POLN: variants seen among roughly 807,000 people sequenced by gnomAD.
POLN encodes the protein DNA polymerase N.
POLN carries 108 observed loss-of-function variants against 113.5 expected under a neutral mutation model. That is an observed-to-expected ratio of 0.95 (90% CI 0.81 to 1.12). The LOEUF (loss-of-function observed/expected upper bound fraction) is 1.12, where lower values mean the gene tolerates loss of function less well. Among genes scored for constraint, POLN ranks in the 50% most tolerant of loss-of-function variants. POLN has a pLI of 0.00. For synonymous variants in POLN, 386 were observed against 391.5 expected (o/e 0.99, Z 0.17); for missense variants, 1,097 against 1,077.1 (o/e 1.02, Z -0.26).
chr4:2,138,700 G>A (rs1326701588), intron 16 of POLN, among the ~76,000 whole-genome samples: 1 of 152,118 alleles, frequency 6.6e-6, no homozygotes, highest in African/African-American at 2.4e-5. Context: ...TCAGCAGTTC[G>A]AGACCAGCCT....
intron 4 of POLN, among the ~76,000 whole-genome samples, chr4:2,211,975 T>C (rs929622242): frequency 6.6e-6 from 1 of 152,124 alleles, no homozygotes; most frequent in Non-Finnish European, 1.5e-5. Flanking sequence ...CCCTTCTCTG[T>C]GGAAGATGCC....
At chr4:2,137,237 T>C (rs1731879621) in intron 16 of POLN, among the ~76,000 whole-genome samples, 1 of 152,254 alleles carries the variant, frequency 6.6e-6, no homozygotes, top group Non-Finnish European at 1.5e-5. Flanking sequence ...ATAAGTTAAG[T>C]AACTTGCTAG....
Position 2,072,259 on chromosome 4 carries a change from C to T in POLN, c.2558G>A (p.Gly853Glu). The part of the protein sequence containing the change: ...KVSLSAGRSW[G>E]HLVPLQEAWG... The stretch of plus-strand genomic sequence containing the variant: ...GGCCTCCTGCAGTGGCACCAGGTGT[C>T]CCCATGAGCGGCCGGCACTCAGGCT... The change falls in exon 26 of 26, where the codon GGA becomes GAA. Residue 853 changes from glycine (G) to glutamate (E), a missense_variant. Physicochemically the swap from Gly to Glu is moderately conservative, Grantham distance 98 (BLOSUM62 -2). Transcript: ENST00000511885. 6.3e-7 allele frequency: 1 copy of T among 1,594,448 alleles called. No homozygotes were observed. The highest frequency in any genetic ancestry group is 1.1e-5 in the South Asian group (1 of 90,284).
At chr4:2,152,172 T>C (rs562890812) in intron 16 of POLN, among the ~76,000 whole-genome samples, 1 of 151,464 alleles carries the variant, frequency 6.6e-6, no homozygotes, top group Non-Finnish European at 1.5e-5. Flanking sequence ...GCTGGGACCA[T>C]AGGCGTGCAC....
chr4:2,096,376 G>C (rs1421960074), intron 19 of POLN, among the ~76,000 whole-genome samples: 1 of 152,170 alleles, frequency 6.6e-6, no homozygotes, highest in Admixed American at 6.5e-5. Context: ...CACAGACAGA[G>C]GCCATGGGGG....
intron 3 of POLN, among the ~76,000 whole-genome samples, chr4:2,219,136 CAT>C (rs1235394438): frequency 3.3e-5 from 5 of 152,182 alleles, no homozygotes; most frequent in Non-Finnish European, 7.3e-5. Flanking sequence ...TTCCAAATAA[CAT>C]GTGGGGACTT....
intron 20 of POLN, chr4:2,088,662 T>C: frequency 3.9e-6 from 3 of 763,528 alleles, no homozygotes; most frequent in Non-Finnish European, 5.6e-6. Context: ...TCTAAGACTT[T>C]AATTAAAAAT....
At chr4:2,134,972 C>T (rs1322256401) in intron 16 of POLN, among the ~76,000 whole-genome samples, 1 of 152,184 alleles carries the variant, frequency 6.6e-6, no homozygotes, top group African/African-American at 2.4e-5. Flanking sequence ...GTGCCTTGTG[C>T]ACGCATCCCC....
intron 2 of POLN, chr4:2,231,836 T>G (rs1338432647): frequency 3.1e-6 from 2 of 639,922 alleles, no homozygotes; most frequent in Admixed American, 3.5e-5. Flanking sequence ...TCCATTGACC[T>G]CAAATTTTAA....
chr4:2,073,992 CT>C (rs1458039210), intron 24 of POLN, among the ~76,000 whole-genome samples: 1 of 152,240 alleles, frequency 6.6e-6, no homozygotes, highest in Non-Finnish European at 1.5e-5. Context: ...CTGGGCCCCC[CT>C]GGGGACCTTC....
chr4:2,160,173 C>T (rs765638103), intron 13 of POLN, among the ~76,000 whole-genome samples: 1 of 152,202 alleles, frequency 6.6e-6, no homozygotes, highest in Non-Finnish European at 1.5e-5. Context: ...TGATCTCTCA[C>T]TGTAGTTTTA....
intron 16 of POLN, among the ~76,000 whole-genome samples, chr4:2,153,391 T>A (rs1185751718): frequency 1.8e-4 from 27 of 152,146 alleles, no homozygotes; most frequent in Non-Finnish European, 2.6e-4. Context: ...GAGAAGTGTC[T>A]ACAATAAAAA....
At chr4:2,201,794 T>C (rs1733723117) in intron 5 of POLN, among the ~76,000 whole-genome samples, 1 of 152,192 alleles carries the variant, frequency 6.6e-6, no homozygotes, top group Non-Finnish European at 1.5e-5. Flanking sequence ...TTAAGAGCTA[T>C]GAGGCAAAAG....
At chr4:2,188,332 G>T (rs1367075647) in intron 7 of POLN, among the ~76,000 whole-genome samples, 1 of 152,190 alleles carries the variant, frequency 6.6e-6, no homozygotes, top group African/African-American at 2.4e-5. Context: ...CGGGCGCAGT[G>T]GCTCACGCCT....
chr4:2,167,465 A>G (rs1732757361), intron 13 of POLN, among the ~76,000 whole-genome samples: 1 of 152,216 alleles, frequency 6.6e-6, no homozygotes, highest in Non-Finnish European at 1.5e-5. Flanking sequence ...CCAGCTAGGT[A>G]CCACAGGACT....
chr4:2,073,826 C>A (rs1449503512), intron 24 of POLN, among the ~76,000 whole-genome samples: 9 of 152,254 alleles, frequency 5.9e-5, no homozygotes, highest in Non-Finnish European at 7.3e-5. Context: ...TCCCTGGGGA[C>A]CTGTCCCTGG....
At chr4:2,205,338 A>G (rs1006090035) in intron 5 of POLN, among the ~76,000 whole-genome samples, 3 of 152,180 alleles carry the variant, frequency 2.0e-5, no homozygotes, top group Non-Finnish European at 4.4e-5. Flanking sequence ...CCCCTTTTAC[A>G]ATAGCTGCAA....
Position 2,241,707 on chromosome 4 carries a change from G to C in POLN, c.-200C>G, listed in dbSNP as rs1734996108. Reference sequence around the variant, plus strand: ...AGGCAGCGGCAAGCCCCAGGGATCCGCGGCCCCAAGGCCGCGATACACCAG... The same window carrying C: ...AGGCAGCGGCAAGCCCCAGGGATCCCCGGCCCCAAGGCCGCGATACACCAG... On this transcript the variant is annotated 5_prime_UTR_variant, in exon 2 of 26. Coordinates refer to ENST00000511885, the MANE Select transcript of POLN (RefSeq NM_181808.4). The C allele has an allele frequency of 1.0e-6, 1 of 985,490 alleles. No individual in the cohort carries two copies. 61.0% of individuals were successfully genotyped at this position (985,490 alleles called of 1,614,324 possible).
intron 19 of POLN, among the ~76,000 whole-genome samples, chr4:2,111,473 T>C (rs1304882687): frequency 6.6e-6 from 1 of 152,170 alleles, no homozygotes; most frequent in Non-Finnish European, 1.5e-5. Context: ...GATGACATGA[T>C]TGTATATCTA....
Sources: allele counts gnomAD v4.1 joint callset (sites outside exome capture counted in the v4.1 genomes callset), GRCh38; gene constraint gnomAD v4.1.1; transcripts MANE v1.5; gene names NCBI Gene and HGNC (gene_info 2026-07-23, HGNC 2026-07-21).